Variants in STPG2 observed in about 807,000 individuals in gnomAD.
STPG2 encodes sperm-tail PG-rich repeat-containing protein 2.
A neutral mutation model predicts 54.2 loss-of-function variants in STPG2; 56 were observed. The observed-to-expected ratio is 1.03, with a 90% CI of 0.83 to 1.29. STPG2 has a LOEUF of 1.29. Among genes scored for constraint, STPG2 ranks in the 50% most tolerant of loss-of-function variants. The probability of loss-of-function intolerance (pLI) is 0.00; values close to 1 mark genes in which losing one functional copy is unlikely to be tolerated. For missense variants in STPG2, 596 were observed against 544.9 expected (o/e 1.09, Z -0.93); for synonymous variants, 200 against 181.8 (o/e 1.10, Z -0.81).
At chr4:97,866,022 T>C (rs913084877) in intron 8 of STPG2, among the ~76,000 whole-genome samples, 8 of 151,862 alleles carry the variant, frequency 5.3e-5, no homozygotes, top group African/African-American at 1.9e-4. Context: ...TTCTCCCTTA[T>C]TTGTGGGAGC....
At chr4:97,625,554 C>A (rs1289682120) in intron 10 of STPG2, among the ~76,000 whole-genome samples, 5 of 152,162 alleles carry the variant, frequency 3.3e-5, no homozygotes, top group African/African-American at 1.2e-4. Context: ...ACCTCGGGAT[C>A]CGCCTGCCTC....
At position 97,598,455 on chromosome 4, in the gene STPG2, CACA is replaced by C. The variant is rs1266964686; in HGVS notation, c.1321-39341_1321-39339del. The stretch of plus-strand genomic sequence containing the variant: ...AATCCTAAGCAAAAACAAGCAAACA[CACA>C]ACAACAACAACAGCAAAAACCAAAG... On this transcript the variant is annotated intron_variant, in intron 10 of 10. Transcript: ENST00000295268. Among the ~76,000 whole-genome samples the C allele has an allele frequency of 6.6e-5, 10 of 151,114 alleles. No homozygotes were observed. The East Asian group carries it at 7.8e-4, about 12-fold the overall frequency.
intron 7 of STPG2, among the ~76,000 whole-genome samples, chr4:97,947,059 T>A (rs533441526): frequency 1.1e-4 from 17 of 152,282 alleles, no homozygotes; most frequent in Admixed American, 6.5e-4. Flanking sequence ...GTGTCACCTA[T>A]GATTTCTTTC....
chr4:97,727,249 CATG>C (rs1724654205), intron 9 of STPG2, among the ~76,000 whole-genome samples: 1 of 151,810 alleles, frequency 6.6e-6, no homozygotes, highest in South Asian at 2.1e-4. Context: ...GTGTCTATCT[CATG>C]ATTCCATATT....
chr4:97,659,847 G>T (rs557674696), intron 10 of STPG2, among the ~76,000 whole-genome samples: 68 of 152,274 alleles, frequency 4.5e-4, no homozygotes, highest in African/African-American at 1.6e-3. Flanking sequence ...GGAAAAATAA[G>T]CTACAGCCCA....
At chr4:97,701,001 G>T (rs1233358364) in intron 10 of STPG2, among the ~76,000 whole-genome samples, 1 of 152,160 alleles carries the variant, frequency 6.6e-6, no homozygotes, top group Non-Finnish European at 1.5e-5. Flanking sequence ...AGGCCAAATG[G>T]GAGAGGTGAG....
chr4:97,885,065 T>A (rs1730514097), intron 8 of STPG2, among the ~76,000 whole-genome samples: 1 of 152,096 alleles, frequency 6.6e-6, no homozygotes, highest in Non-Finnish European at 1.5e-5. Flanking sequence ...TGGGTTTGAT[T>A]AAAAAAATAG....
intron 10 of STPG2, among the ~76,000 whole-genome samples, chr4:97,681,381 A>C (rs569249946): frequency 4.6e-5 from 7 of 151,864 alleles, no homozygotes; most frequent in Non-Finnish European, 8.9e-5. Context: ...TTTATGGGAA[A>C]AATTCTGTGC....
intron 8 of STPG2, among the ~76,000 whole-genome samples, chr4:97,927,698 AAG>A (rs2149215881): frequency 6.6e-6 from 1 of 152,142 alleles, no homozygotes; most frequent in Admixed American, 6.5e-5. Context: ...AATCACCCTA[AAG>A]AGAGTGACTT....
intron 5 of STPG2, among the ~76,000 whole-genome samples, chr4:98,014,717 T>A (rs1735875409): frequency 6.6e-6 from 1 of 152,182 alleles, no homozygotes; most frequent in Admixed American, 6.5e-5. Context: ...TATACTTTCA[T>A]GTGTTGTCAT....
At chr4:97,526,875 G>A (rs868128730) in intron 4 of STPG2, among the ~76,000 whole-genome samples, 70 of 151,994 alleles carry the variant, frequency 4.6e-4, no homozygotes, top group African/African-American at 1.7e-3. Flanking sequence ...AAGGAATGGA[G>A]TTTCAGTTTT....
chr4:97,644,664 A>G (rs942869267), intron 10 of STPG2, among the ~76,000 whole-genome samples: 1 of 151,978 alleles, frequency 6.6e-6, no homozygotes, highest in African/African-American at 2.4e-5. Context: ...GAAACATAAC[A>G]TGATCTATTT....
chr4:97,600,984 C>T (rs949353334), intron 10 of STPG2, among the ~76,000 whole-genome samples: 1 of 151,806 alleles, frequency 6.6e-6, no homozygotes, highest in Non-Finnish European at 1.5e-5. Flanking sequence ...GGATGACTAT[C>T]ACATATCAGA....
intron 5 of STPG2, among the ~76,000 whole-genome samples, chr4:98,017,313 C>T (rs1397485689): frequency 6.6e-6 from 1 of 152,218 alleles, no homozygotes. Flanking sequence ...AGTACTGGAG[C>T]CTGTACCCAC....
chr4:97,966,346 C>G (rs190780856), intron 7 of STPG2, among the ~76,000 whole-genome samples: 102 of 143,920 alleles, frequency 7.1e-4, no homozygotes, highest in African/African-American at 2.2e-3. Context: ...AAGGAACCAA[C>G]AAAACCTCTA....
At chr4:97,530,986 T>C (rs1731401570) in intron 4 of STPG2, among the ~76,000 whole-genome samples, 2 of 152,094 alleles carry the variant, frequency 1.3e-5, no homozygotes. Flanking sequence ...CCAGAATATA[T>C]AAGGAGCTCA....
intron 4 of STPG2, among the ~76,000 whole-genome samples, chr4:97,534,678 T>C (rs1199619601): frequency 6.6e-6 from 1 of 152,196 alleles, no homozygotes; most frequent in Admixed American, 6.5e-5. Context: ...CATAATTCTA[T>C]GAATTTTGAC....
intron 4 of STPG2, among the ~76,000 whole-genome samples, chr4:97,536,950 G>C (rs989476958): frequency 1.3e-5 from 2 of 152,156 alleles, no homozygotes; most frequent in Admixed American, 6.5e-5. Context: ...TCGGTTTCTA[G>C]CCTCTGTTTT....
intron 5 of STPG2, among the ~76,000 whole-genome samples, chr4:97,994,192 T>G (rs894459916): frequency 2.0e-5 from 3 of 152,188 alleles, no homozygotes; most frequent in African/African-American, 7.2e-5. Context: ...TTCAAAGAAT[T>G]TTTTAATTTC....
Sources: allele counts gnomAD v4.1 joint callset (sites outside exome capture counted in the v4.1 genomes callset), GRCh38; gene constraint gnomAD v4.1.1; transcripts MANE v1.5; gene names NCBI Gene and HGNC (gene_info 2026-07-23, HGNC 2026-07-21).